The following FAM81B variants were observed in gnomAD, a reference collection of about 807,000 sequenced individuals.
The protein encoded by FAM81B is protein FAM81B.
A neutral mutation model predicts 58.7 loss-of-function variants in FAM81B; 60 were observed. The ratio of observed to expected loss-of-function variants is 1.02; its 90% CI spans 0.83 to 1.27. FAM81B has a LOEUF of 1.27. Among genes scored for constraint, FAM81B ranks in the 50% most tolerant of loss-of-function variants. The pLI is 0.00. For missense variants in FAM81B, 491 were observed against 522.0 expected (o/e 0.94, Z 0.58); for synonymous variants, 189 against 179.6 (o/e 1.05, Z -0.42).
rs114833586 is a variant in FAM81B, at chr5:95,419,603, C to A, written c.538-681C>A. Among the ~76,000 whole-genome samples, 1,145 of 152,136 alleles carry A rather than the reference C, an allele frequency of 7.5e-3. 14 individuals are homozygous for A. Among genetic ancestry groups the A allele is most frequent in the African/African-American group, 0.025 (1,045 of 41,524 alleles). On this transcript the variant is annotated intron_variant, in intron 4 of 9. Coordinates refer to ENST00000283357, the MANE Select transcript of FAM81B (RefSeq NM_152548.3). Reference sequence around the variant, plus strand: ...TCTTGGGACCACTAGCCTGGTGGTACAAGAAAGTCAGTTCTATTTCCAGAA... The same window carrying A: ...TCTTGGGACCACTAGCCTGGTGGTAAAAGAAAGTCAGTTCTATTTCCAGAA...
chr5:95,440,101 A>G, intron 7 of FAM81B: 2 of 535,776 alleles, frequency 3.7e-6, no homozygotes, highest in Non-Finnish European at 7.3e-6. Context: ...GATTGAAGAC[A>G]GCTAATTTAA....
At chr5:95,440,169 A>C in intron 7 of FAM81B, 2 of 599,308 alleles carry the variant, frequency 3.3e-6, no homozygotes, top group Admixed American at 3.9e-5. Flanking sequence ...AGAGGTGCTG[A>C]CAAGTCCTTT....
At chr5:95,416,290 T>C (rs1762537795) in intron 4 of FAM81B, among the ~76,000 whole-genome samples, 1 of 152,224 alleles carries the variant, frequency 6.6e-6, no homozygotes, top group South Asian at 2.1e-4. Context: ...TCAATTCAAG[T>C]GTGAGCTAAA....
chr5:95,427,566 A>C (rs1359266419), intron 5 of FAM81B, among the ~76,000 whole-genome samples: 1 of 152,216 alleles, frequency 6.6e-6, no homozygotes, highest in East Asian at 1.9e-4. Context: ...AACTTTAAGG[A>C]AAAAAGATTC....
At chr5:95,394,609 G>A (rs979239634) in intron 2 of FAM81B, among the ~76,000 whole-genome samples, 2 of 152,164 alleles carry the variant, frequency 1.3e-5, no homozygotes, top group Non-Finnish European at 2.9e-5. Context: ...CCACCTGAGT[G>A]CCCAGTGAAT....
intron 8 of FAM81B, among the ~76,000 whole-genome samples, chr5:95,447,211 A>C (rs1345170598): frequency 6.6e-6 from 1 of 152,200 alleles, no homozygotes; most frequent in African/African-American, 2.4e-5. Flanking sequence ...CCCCTCTCCC[A>C]CTGCAACCAG....
rs200117615 is a variant in FAM81B at position 95,448,317 on chromosome 5, A to C, written c.1078A>C (p.Lys360Gln). The C allele has an allele frequency of 6.0e-5, 96 of 1,609,000 alleles. No individual in the cohort carries two copies. The highest frequency in any genetic ancestry group is 1.0e-4 in the Admixed American group (6 of 59,006). Residue 360 changes from lysine to glutamine, a missense_variant, in exon 9 of 10, where the codon AAA becomes CAA. Transcript: ENST00000283357. ...AGAAAAACTGCTGCAGCTTTCAAGC[A>C]AAGTAGAGAATTTCATTAACACACA... ...MEEKLLQLSSKVENFINTQKQ... is the reference protein window; with the variant it reads ...MEEKLLQLSSQVENFINTQKQ...
chr5:95,398,419 T>TAAAC (rs1208881897), intron 3 of FAM81B, among the ~76,000 whole-genome samples: 2 of 22,292 alleles, frequency 9.0e-5, no homozygotes, highest in Admixed American at 4.6e-4. Context: ...ACTCAATCTC[T>TAAAC]AAATAAATAA....
chr5:95,398,728 T>G (rs1236544938), intron 3 of FAM81B, among the ~76,000 whole-genome samples: 1 of 152,198 alleles, frequency 6.6e-6, no homozygotes, highest in African/African-American at 2.4e-5. Context: ...AGAAATGAAT[T>G]ATTAGATAGC....
intron 8 of FAM81B, among the ~76,000 whole-genome samples, chr5:95,447,022 A>T (rs1409840377): frequency 6.6e-6 from 1 of 151,658 alleles, no homozygotes; most frequent in African/African-American, 2.4e-5. Flanking sequence ...CCTGGGAATC[A>T]GTGGTTAAAG....
intron 3 of FAM81B, among the ~76,000 whole-genome samples, chr5:95,411,348 A>G (rs1369972347): frequency 6.6e-6 from 1 of 151,772 alleles, no homozygotes; most frequent in African/African-American, 2.4e-5. Context: ...TTTAAAAGAC[A>G]TTTCTTCACA....
chr5:95,431,546 T>C (rs1211132174), intron 6 of FAM81B, among the ~76,000 whole-genome samples: 2 of 151,978 alleles, frequency 1.3e-5, no homozygotes, highest in Admixed American at 6.6e-5. Context: ...AATTTGTAAA[T>C]AAATTTTAGA....
intron 4 of FAM81B, among the ~76,000 whole-genome samples, chr5:95,416,458 A>G (rs1762541292): frequency 1.3e-5 from 2 of 152,242 alleles, no homozygotes; most frequent in Non-Finnish European, 1.5e-5. Flanking sequence ...AACTCAAAGA[A>G]AATTTTATAT....
At chr5:95,428,107 A>G (rs1021143647) in intron 5 of FAM81B, among the ~76,000 whole-genome samples, 2 of 152,216 alleles carry the variant, frequency 1.3e-5, no homozygotes, top group African/African-American at 4.8e-5. Context: ...ATTGGAGAAG[A>G]TGGATTGGAA....
At chr5:95,430,497 T>G (rs561479524) in intron 6 of FAM81B, among the ~76,000 whole-genome samples, 8 of 151,892 alleles carry the variant, frequency 5.3e-5, no homozygotes, top group Non-Finnish European at 1.2e-4. Context: ...CACAGAGACC[T>G]TCCTTATCTT....
At chr5:95,404,956 A>ATTT (rs1762207735) in intron 3 of FAM81B, among the ~76,000 whole-genome samples, 1 of 152,206 alleles carries the variant, frequency 6.6e-6, no homozygotes, top group African/African-American at 2.4e-5. Flanking sequence ...GAAAGGAGAG[A>ATTT]TAAGATTTTA....
At chr5:95,438,785 T>TAA (rs11299017) in intron 7 of FAM81B, among the ~76,000 whole-genome samples, 7 of 128,270 alleles carry the variant, frequency 5.5e-5, no homozygotes, top group South Asian at 2.4e-4. Flanking sequence ...GCATTAATTG[T>TAA]AAAAAAAAAA....
intron 3 of FAM81B, among the ~76,000 whole-genome samples, chr5:95,404,071 A>G (rs532464778): frequency 3.3e-5 from 5 of 152,276 alleles, no homozygotes; most frequent in Admixed American, 1.3e-4. Context: ...AAGACTGAAA[A>G]CCGGGAGACC....
At chr5:95,433,355 C>T (rs1744974179) in intron 6 of FAM81B, among the ~76,000 whole-genome samples, 1 of 152,086 alleles carries the variant, frequency 6.6e-6, no homozygotes, top group Non-Finnish European at 1.5e-5. Flanking sequence ...CTCATGAGAA[C>T]TCACTCACTA....
Sources: allele counts gnomAD v4.1 joint callset (sites outside exome capture counted in the v4.1 genomes callset), GRCh38; gene constraint gnomAD v4.1.1; transcripts MANE v1.5; gene names NCBI Gene and HGNC (gene_info 2026-07-23, HGNC 2026-07-21).